Variants in GNB1L observed in about 807,000 individuals in gnomAD.
GNB1L encodes guanine nucleotide-binding protein subunit beta-like protein 1.
GNB1L carries 20 observed loss-of-function variants against 29.1 expected under a neutral mutation model. The observed-to-expected ratio is 0.69, with a 90% CI of 0.48 to 1.00. GNB1L has a LOEUF of 1.00. GNB1L is among the 50% of genes least tolerant of loss of function. The pLI is 0.00. For synonymous variants in GNB1L, 193 were observed against 206.5 expected, an observed-to-expected ratio of 0.93 and a Z score of 0.56; for missense variants, 421 against 464.9, an observed-to-expected ratio of 0.91 and a Z score of 0.87.
chr22:19,842,413 C>T (rs1937877585), intron 2 of GNB1L, among the ~76,000 whole-genome samples: 1 of 152,246 alleles, frequency 6.6e-6, no homozygotes, highest in Non-Finnish European at 1.5e-5. Context: ...GACTAGCCCC[C>T]AACAACCCTT....
intron 7 of GNB1L, among the ~76,000 whole-genome samples, chr22:19,789,650 G>T (rs1181533470): frequency 6.6e-6 from 1 of 152,200 alleles, no homozygotes; most frequent in Admixed American, 6.5e-5. Context: ...CAGGTCCTAC[G>T]TGCACGGGGC....
At chr22:19,811,274 T>TG (rs1267962895) in intron 5 of GNB1L, among the ~76,000 whole-genome samples, 2 of 152,176 alleles carry the variant, frequency 1.3e-5, no homozygotes, top group African/African-American at 4.8e-5. Flanking sequence ...CAACTGTGCG[T>TG]GGGGGCCGTC....
intron 2 of GNB1L, among the ~76,000 whole-genome samples, chr22:19,832,578 C>T (rs542882083): frequency 2.0e-5 from 3 of 152,248 alleles, no homozygotes; most frequent in Admixed American, 6.5e-5. Context: ...GAAAAAGGTG[C>T]GCTACGGCCC....
chr22:19,788,380 G>C lies in GNB1L; in HGVS notation c.*329C>G. The C allele has an allele frequency of 1.7e-6, 1 of 584,352 alleles. No homozygotes were observed. The allele number at this position is 584,352 out of a possible 1,614,324, so 36.2% of individuals were successfully genotyped here. ...CACTGATGCTAAGTGGGGGACCAGG[G>C]CCTCCTCAGGGAGCTCCCACCTCAA... On this transcript the variant is annotated 3_prime_UTR_variant, in exon 8 of 8. Coordinates refer to ENST00000329517, the MANE Select transcript of GNB1L (RefSeq NM_053004.3).
Position 19,790,539 on chromosome 22 carries a change from TG to T in GNB1L, c.733-1580del, listed in dbSNP as rs563585118. 1.5e-3 allele frequency among the ~76,000 whole-genome samples: 221 copies of T among 152,288 alleles called. 3 individuals carry two copies. The highest frequency in any genetic ancestry group is 5.2e-3 in the African/African-American group (216 of 41,546). Reference sequence around the variant, plus strand: ...CTAAATATACTCAACAGGCTGAGTGTGGTGGCTCATGCTTGTAATCCCAGCT... The same window carrying T: ...CTAAATATACTCAACAGGCTGAGTGTGTGGCTCATGCTTGTAATCCCAGCT... On this transcript the variant is annotated intron_variant, in intron 7 of 7. Transcript: ENST00000329517.
intron 4 of GNB1L, among the ~76,000 whole-genome samples, chr22:19,814,393 A>G (rs1428551932): frequency 6.6e-6 from 1 of 152,044 alleles, no homozygotes; most frequent in African/African-American, 2.4e-5. Context: ...CTGTGACTAC[A>G]CTCCCCAGAT....
chr22:19,827,138 T>C (rs1937625845), intron 2 of GNB1L, among the ~76,000 whole-genome samples: 3 of 152,112 alleles, frequency 2.0e-5, no homozygotes, highest in Admixed American at 2.0e-4. Context: ...AATGGGGTGT[T>C]ATTAATTTCC....
intron 7 of GNB1L, among the ~76,000 whole-genome samples, chr22:19,794,965 G>A (rs1937290353): frequency 1.3e-5 from 2 of 152,192 alleles, no homozygotes; most frequent in Admixed American, 1.3e-4. Flanking sequence ...TGGTGACAGA[G>A]TGAGACTCCG....
intron 4 of GNB1L, among the ~76,000 whole-genome samples, chr22:19,814,264 C>T (rs1937517012): frequency 6.6e-6 from 1 of 152,170 alleles, no homozygotes; most frequent in Non-Finnish European, 1.5e-5. Flanking sequence ...CAGGTGCAGG[C>T]AGAGTCCACA....
At chr22:19,815,119 A>G (rs2145877441) in intron 4 of GNB1L, among the ~76,000 whole-genome samples, 1 of 152,282 alleles carries the variant, frequency 6.6e-6, no homozygotes, top group East Asian at 1.9e-4. Flanking sequence ...GTGACAGCTC[A>G]GAGGATCCCG....
chr22:19,815,941 T>C (rs1336793241), intron 4 of GNB1L, among the ~76,000 whole-genome samples: 1 of 152,220 alleles, frequency 6.6e-6, no homozygotes, highest in African/African-American at 2.4e-5. Context: ...AGACCCCGTA[T>C]GCCTCCTGCT....
intron 2 of GNB1L, chr22:19,851,355 G>A: frequency 6.2e-7 from 1 of 1,614,190 alleles, no homozygotes; most frequent in Non-Finnish European, 8.5e-7. Flanking sequence ...GACTCCGACA[G>A]TCTAGGGACA....
intron 2 of GNB1L, among the ~76,000 whole-genome samples, chr22:19,826,774 T>C (rs1398980797): frequency 6.6e-6 from 1 of 152,132 alleles, no homozygotes; most frequent in African/African-American, 2.4e-5. Flanking sequence ...ATGAACAAAC[T>C]GGCATTGCTT....
chr22:19,829,510 T>C (rs541104657), intron 2 of GNB1L, among the ~76,000 whole-genome samples: 9 of 152,306 alleles, frequency 5.9e-5, no homozygotes, highest in Admixed American at 4.6e-4. Context: ...TGAAAAATAC[T>C]ACGTACCAAT....
At chr22:19,852,150 C>T in intron 2 of GNB1L, 1 of 1,614,130 alleles carries the variant, frequency 6.2e-7, no homozygotes, top group Non-Finnish European at 8.5e-7. Context: ...GGGGTGTATG[C>T]CACCCCAGGA....
At chr22:19,838,066 C>T (rs542651762) in intron 2 of GNB1L, among the ~76,000 whole-genome samples, 14 of 152,310 alleles carry the variant, frequency 9.2e-5, no homozygotes, top group African/African-American at 3.1e-4. Context: ...TCACAGACGC[C>T]GCACTTGTCA....
At position 19,788,585 on chromosome 22, in the gene GNB1L, C is replaced by T; in HGVS notation, c.*124G>A. ...ACCAACCTCATGAAGACAGCGGGGA[C>T]TCCATGGTCCTTGGGCCATGACTTG... On this transcript the variant is annotated 3_prime_UTR_variant, in exon 8 of 8. Coordinates refer to ENST00000329517, the MANE Select transcript of GNB1L (RefSeq NM_053004.3). 8.3e-7 allele frequency: 1 copy of T among 1,211,676 alleles called. No individual in the cohort carries two copies. Among genetic ancestry groups the T allele is most frequent in the Non-Finnish European group, 1.2e-6 (1 of 813,412 alleles). The allele number at this position is 1,211,676 out of a possible 1,614,324, so 75.1% of individuals were successfully genotyped here.
At chr22:19,791,041 G>A (rs1937247633) in intron 7 of GNB1L, among the ~76,000 whole-genome samples, 5 of 152,154 alleles carry the variant, frequency 3.3e-5, no homozygotes. Context: ...GACCAGCCTG[G>A]GCAACATATA....
chr22:19,789,510 G>C (rs551276280), intron 7 of GNB1L, among the ~76,000 whole-genome samples: 36 of 152,106 alleles, frequency 2.4e-4, no homozygotes, highest in Non-Finnish European at 4.4e-4. Context: ...GGCAGGATGA[G>C]GGGGGGACAA....
Sources: allele counts gnomAD v4.1 joint callset (sites outside exome capture counted in the v4.1 genomes callset), GRCh38; gene constraint gnomAD v4.1.1; transcripts MANE v1.5; gene names NCBI Gene and HGNC (gene_info 2026-07-23, HGNC 2026-07-21).